The following KCNJ6 variants were observed in gnomAD, a reference collection of about 807,000 sequenced individuals.
The protein encoded by KCNJ6 is potassium inwardly rectifying channel subfamily J member 6.
Under a neutral mutation model 34.2 loss-of-function variants are expected in KCNJ6, and 9 were observed. The observed-to-expected ratio is 0.26, with a 90% CI of 0.16 to 0.46. The LOEUF is 0.46. Among genes scored for constraint, KCNJ6 ranks in the 20% least tolerant of loss-of-function variants. The pLI is 1.00. For missense variants in KCNJ6, 236 were observed against 531.3 expected (o/e 0.44, Z 5.46); for synonymous variants, 196 against 207.1 (o/e 0.95, Z 0.46).
At chr21:37,662,058 A>G (rs1475249596) in intron 3 of KCNJ6, among the ~76,000 whole-genome samples, 2 of 152,164 alleles carry the variant, frequency 1.3e-5, no homozygotes, top group African/African-American at 2.4e-5. Flanking sequence ...AAACAATTTA[A>G]TCCTTGCAGT....
chr21:37,699,913 T>C (rs928089850), intron 3 of KCNJ6, among the ~76,000 whole-genome samples: 2 of 152,178 alleles, frequency 1.3e-5, no homozygotes, highest in African/African-American at 2.4e-5. Context: ...ACAGCCTTCA[T>C]AGGGAAGCCA....
At position 37,809,426 on chromosome 21, in the gene KCNJ6, A is replaced by G. The variant is rs551329839; in HGVS notation, c.25+31232T>C. ...GCATTAGGAGATATACCTAATGCTAAATGACGAGTTAATGGGTGCAGCACA... is the reference window on the plus strand; with the variant it reads ...GCATTAGGAGATATACCTAATGCTAGATGACGAGTTAATGGGTGCAGCACA... On this transcript the variant is annotated intron_variant, in intron 2 of 3. Coordinates refer to ENST00000609713, the MANE Select transcript of KCNJ6 (RefSeq NM_002240.5). Among the ~76,000 whole-genome samples the G allele has an allele frequency of 2.3e-3, 353 of 152,104 alleles. 1 individual carries two copies. The highest frequency in any genetic ancestry group is 0.014 in the Middle Eastern group (4 of 294).
At chr21:37,853,718 AG>A (rs1197412415) in intron 1 of KCNJ6, among the ~76,000 whole-genome samples, 1 of 151,746 alleles carries the variant, frequency 6.6e-6, no homozygotes, top group Non-Finnish European at 1.5e-5. Context: ...ATATATGTAG[AG>A]GAAATATTTA....
chr21:37,866,349 T>A (rs1361033406), intron 1 of KCNJ6, among the ~76,000 whole-genome samples: 1 of 152,166 alleles, frequency 6.6e-6, no homozygotes, highest in Non-Finnish European at 1.5e-5. Context: ...CCCTGACTGG[T>A]ATACCAGGAG....
At chr21:37,715,455 T>C (rs1285893746) in intron 2 of KCNJ6, among the ~76,000 whole-genome samples, 1 of 152,232 alleles carries the variant, frequency 6.6e-6, no homozygotes, top group Non-Finnish European at 1.5e-5. Flanking sequence ...TGAGATGCTG[T>C]GGCATGGGAG....
chr21:37,802,923 G>A (rs965798834), intron 2 of KCNJ6, among the ~76,000 whole-genome samples: 2 of 152,040 alleles, frequency 1.3e-5, no homozygotes, highest in African/African-American at 2.4e-5. Flanking sequence ...ATAAATACTC[G>A]ACTCTCCTGC....
chr21:37,681,831 C>T (rs1375590072), intron 3 of KCNJ6, among the ~76,000 whole-genome samples: 1 of 152,122 alleles, frequency 6.6e-6, no homozygotes, highest in Non-Finnish European at 1.5e-5. Flanking sequence ...GAAGGTCATA[C>T]CTCTGAGTAG....
In KCNJ6 at chr21:37,611,115, A is replaced by G. The variant is rs977265707; in HGVS notation, c.*14044T>C. The G allele has an allele frequency of 4.6e-5, 7 of 152,200 alleles. No individual in the cohort carries two copies. Among genetic ancestry groups the G allele is most frequent in the Non-Finnish European group, 8.8e-5 (6 of 68,022 alleles). 9.4% of individuals were successfully genotyped at this position (152,200 alleles called of 1,614,324 possible). A position where few individuals can be genotyped will look rare whatever the true frequency, so the allele number is the denominator to read the frequency against. On this transcript the variant is annotated 3_prime_UTR_variant, in exon 4 of 4. Transcript: ENST00000609713. ...TGCTAACTAAGAAAAAAAGAGAAAG[A>G]ACACAAATTACTACTATCAGAAATG...
intron 1 of KCNJ6, among the ~76,000 whole-genome samples, chr21:37,868,807 G>A (rs766365592): frequency 2.6e-5 from 4 of 152,222 alleles, no homozygotes; most frequent in Non-Finnish European, 4.4e-5. Context: ...TGGGTGGAGA[G>A]GGGAGGACAG....
At chr21:37,670,714 A>T (rs768999810) in intron 3 of KCNJ6, among the ~76,000 whole-genome samples, 1 of 152,196 alleles carries the variant, frequency 6.6e-6, no homozygotes, top group Non-Finnish European at 1.5e-5. Context: ...GCAGTCACCC[A>T]AGATCGTGCC....
At chr21:37,723,782 G>C (rs1267349708) in intron 2 of KCNJ6, among the ~76,000 whole-genome samples, 2 of 152,142 alleles carry the variant, frequency 1.3e-5, no homozygotes, top group South Asian at 4.1e-4. Context: ...GGAGGGACGG[G>C]CTCAAGGGTT....
rs978526718 is a variant in KCNJ6 at position 37,714,035 on chromosome 21, T to G, written c.946+176A>C. Among the ~76,000 whole-genome samples, 2 of 152,228 alleles carry G rather than the reference T, an allele frequency of 1.3e-5. No homozygotes were observed. The highest frequency in any genetic ancestry group is 4.8e-5 in the African/African-American group (2 of 41,466). ...GCTTTAAAAAACTAAATGGTTAGGC[T>G]TCTTGGTGGATATACTTCAGGTGAG... On this transcript the variant is annotated intron_variant, in intron 3 of 3. Coordinates refer to ENST00000609713, the MANE Select transcript of KCNJ6 (RefSeq NM_002240.5). This position sits in a 1 kb window ranked among gnomAD's most constrained non-coding sequence, Gnocchi z 5.9.
chr21:37,751,295 C>G (rs907026185), intron 2 of KCNJ6, among the ~76,000 whole-genome samples: 3 of 152,228 alleles, frequency 2.0e-5, no homozygotes, highest in African/African-American at 4.8e-5. Flanking sequence ...GTGGCTGTAG[C>G]ATGCACTGCC....
At chr21:37,801,990 A>G (rs58550981) in intron 2 of KCNJ6, among the ~76,000 whole-genome samples, 2,591 of 152,324 alleles carry the variant, frequency 0.017, 74 homozygotes, top group African/African-American at 0.056. Flanking sequence ...TGATTTGCCC[A>G]AAATTATACA....
At chr21:37,773,333 T>C (rs1342304707) in intron 2 of KCNJ6, among the ~76,000 whole-genome samples, 1 of 152,164 alleles carries the variant, frequency 6.6e-6, no homozygotes, top group Non-Finnish European at 1.5e-5. Context: ...GGCAAGTCAC[T>C]CCACTTCCTT....
chr21:37,660,572 CCAAA>C (rs1253989421), intron 3 of KCNJ6, among the ~76,000 whole-genome samples: 2 of 152,194 alleles, frequency 1.3e-5, no homozygotes, highest in Non-Finnish European at 1.5e-5. Flanking sequence ...CCCATAAGGA[CCAAA>C]CAAAGACTTG....
At chr21:37,859,843 A>C in intron 1 of KCNJ6, among the ~76,000 whole-genome samples, 1 of 152,192 alleles carries the variant, frequency 6.6e-6, no homozygotes, top group East Asian at 1.9e-4. Context: ...CTAAGCTACC[A>C]CTGATACTTT....
At chr21:37,765,946 T>C (rs930629421) in intron 2 of KCNJ6, among the ~76,000 whole-genome samples, 1 of 152,248 alleles carries the variant, frequency 6.6e-6, no homozygotes, top group Admixed American at 6.5e-5. Context: ...CAAATATGCA[T>C]ATTATGTATT....
At chr21:37,658,262 G>A (rs2054473036) in intron 3 of KCNJ6, among the ~76,000 whole-genome samples, 1 of 152,184 alleles carries the variant, frequency 6.6e-6, no homozygotes, top group Non-Finnish European at 1.5e-5. Flanking sequence ...ATGGAGAGAT[G>A]GAAGTATTTG....
Sources: allele counts gnomAD v4.1 joint callset (sites outside exome capture counted in the v4.1 genomes callset), GRCh38; gene constraint gnomAD v4.1.1; non-coding constraint Gnocchi (gnomAD v3.1); transcripts MANE v1.5; gene names NCBI Gene and HGNC (gene_info 2026-07-23, HGNC 2026-07-21).